SLC14A2: variants seen among roughly 807,000 people sequenced by gnomAD.
SLC14A2 encodes solute carrier family 14 member 2, also known as urea transporter 2.
SLC14A2 carries 91 observed loss-of-function variants against 104.6 expected under a neutral mutation model. That is an observed-to-expected ratio of 0.87 (90% CI 0.73 to 1.04). The LOEUF (loss-of-function observed/expected upper bound fraction) is 1.04, where lower values mean the gene tolerates loss of function less well. SLC14A2 is among the 50% of genes least tolerant of loss of function. The pLI is 0.00. For missense variants in SLC14A2, 1,189 were observed against 1,156.0 expected (o/e 1.03, Z -0.41); for synonymous variants, 476 against 466.4 (o/e 1.02, Z -0.27).
intron 10 of SLC14A2, among the ~76,000 whole-genome samples, chr18:45,645,434 G>C (rs1453596465): frequency 1.3e-5 from 2 of 151,962 alleles, no homozygotes; most frequent in Non-Finnish European, 2.9e-5. Flanking sequence ...TGAGTTCCAT[G>C]TGTAAAAAGC....
At chr18:45,359,320 C>A (rs79384635) in intron 1 of SLC14A2, among the ~76,000 whole-genome samples, 5 of 152,136 alleles carry the variant, frequency 3.3e-5, no homozygotes, top group Non-Finnish European at 7.3e-5. Flanking sequence ...AGCAGGCCCC[C>A]CCGTCTAGCG....
intron 1 of SLC14A2, among the ~76,000 whole-genome samples, chr18:45,409,814 G>A (rs1040656439): frequency 2.0e-5 from 3 of 152,202 alleles, no homozygotes; most frequent in Admixed American, 6.5e-5. Flanking sequence ...TTGTGTGGAA[G>A]ATAATTTTTC....
At chr18:45,385,958 C>T (rs1598742713) in intron 1 of SLC14A2, among the ~76,000 whole-genome samples, 1 of 152,242 alleles carries the variant, frequency 6.6e-6, no homozygotes, top group Non-Finnish European at 1.5e-5. Flanking sequence ...GGGTTAAGGA[C>T]TGTGGGTGTG....
chr18:45,233,766 C>T (rs1434244728), intron 1 of SLC14A2, among the ~76,000 whole-genome samples: 1 of 144,084 alleles, frequency 6.9e-6, no homozygotes, highest in Non-Finnish European at 1.5e-5. Context: ...CCGCTTCCCC[C>T]GCCCCGACTC....
chr18:45,252,168 C>T (rs1188896940), intron 1 of SLC14A2, among the ~76,000 whole-genome samples: 1 of 152,178 alleles, frequency 6.6e-6, no homozygotes, highest in Non-Finnish European at 1.5e-5. Context: ...AGACCCTGCC[C>T]TCTGAACATC....
rs2046175971 is a variant in SLC14A2 at position 45,673,513 on chromosome 18, ATTTG to A, written c.2378-166_2378-163del. Among the ~76,000 whole-genome samples the A allele has an allele frequency of 2.6e-5, 4 of 152,256 alleles. No individual in the cohort carries two copies. The South Asian group carries it at 8.3e-4, about 32-fold the overall frequency. On this transcript the variant is annotated intron_variant, in intron 17 of 19. Transcript: ENST00000255226. The stretch of plus-strand genomic sequence containing the variant: ...CTAGTATTCATGGGACTCTATGGCC[ATTTG>A]TTTCCTTTAGATGTTTTTTCACAGA...
At chr18:45,230,414 T>C (rs1240734392) in intron 1 of SLC14A2, among the ~76,000 whole-genome samples, 3 of 152,226 alleles carry the variant, frequency 2.0e-5, no homozygotes, top group Non-Finnish European at 2.9e-5. Flanking sequence ...TCTCGGCCTG[T>C]GGGCCCTATC....
chr18:45,584,886 G>A (rs1329231374), intron 2 of SLC14A2, among the ~76,000 whole-genome samples: 3 of 152,252 alleles, frequency 2.0e-5, no homozygotes, highest in African/African-American at 2.4e-5. Context: ...ATCTTGAGAT[G>A]AAACGCAGCA....
intron 1 of SLC14A2, among the ~76,000 whole-genome samples, chr18:45,227,358 T>G (rs2084129953): frequency 6.6e-6 from 1 of 152,212 alleles, no homozygotes; most frequent in South Asian, 2.1e-4. Context: ...CTCAGTCCAT[T>G]TGTGCTGTTA....
chr18:45,647,781 C>CTG (rs1555718014), intron 10 of SLC14A2: 3 of 151,674 alleles, frequency 2.0e-5, no homozygotes, highest in Admixed American at 6.6e-5. Context: ...ATTTAGGAAT[C>CTG]TTGATTTTTT....
At chr18:45,347,346 C>A (rs565174569) in intron 1 of SLC14A2, among the ~76,000 whole-genome samples, 1 of 152,300 alleles carries the variant, frequency 6.6e-6, no homozygotes, top group Admixed American at 6.5e-5. Flanking sequence ...CAGAGTGAGA[C>A]CCTGTCTCAA....
At chr18:45,364,386 T>C (rs1051269923) in intron 1 of SLC14A2, among the ~76,000 whole-genome samples, 1 of 152,236 alleles carries the variant, frequency 6.6e-6, no homozygotes, top group African/African-American at 2.4e-5. Context: ...GTGAAGACTC[T>C]TTCTGATGGT....
At chr18:45,616,115 T>C (rs984057795) in intron 1 of SLC14A2, among the ~76,000 whole-genome samples, 14 of 152,192 alleles carry the variant, frequency 9.2e-5, no homozygotes, top group Non-Finnish European at 1.9e-4. Context: ...TGGGCACAAG[T>C]GGAGCACCCC....
intron 1 of SLC14A2, among the ~76,000 whole-genome samples, chr18:45,368,935 A>G (rs1309374026): frequency 6.6e-6 from 1 of 152,200 alleles, no homozygotes; most frequent in Non-Finnish European, 1.5e-5. Flanking sequence ...CTTAAAAAGC[A>G]TGAATTCTCA....
intron 1 of SLC14A2, among the ~76,000 whole-genome samples, chr18:45,318,235 G>A (rs1458798628): frequency 1.3e-5 from 2 of 152,124 alleles, no homozygotes; most frequent in Non-Finnish European, 2.9e-5. Context: ...GAGGCTTGGG[G>A]TCCAGCCTAG....
At chr18:45,397,721 C>T (rs911536507) in intron 1 of SLC14A2, among the ~76,000 whole-genome samples, 6 of 151,796 alleles carry the variant, frequency 4.0e-5, no homozygotes, top group Non-Finnish European at 5.9e-5. Context: ...TTTGAGTTAA[C>T]CTGCTTTATT....
intron 2 of SLC14A2, among the ~76,000 whole-genome samples, chr18:45,524,022 CA>C (rs1181079347): frequency 2.6e-5 from 4 of 152,180 alleles, no homozygotes; most frequent in Non-Finnish European, 4.4e-5. Flanking sequence ...GGACTGGACA[CA>C]AAACTGGAGC....
intron 1 of SLC14A2, among the ~76,000 whole-genome samples, chr18:45,401,381 T>C (rs2086094425): frequency 6.6e-6 from 1 of 152,204 alleles, no homozygotes; most frequent in Admixed American, 6.5e-5. Context: ...AAAATCCTTG[T>C]CATCATTAAT....
intron 1 of SLC14A2, among the ~76,000 whole-genome samples, chr18:45,296,573 A>C (rs563320601): frequency 6.6e-6 from 1 of 152,126 alleles, no homozygotes; most frequent in Non-Finnish European, 1.5e-5. Context: ...CTCAAACTAC[A>C]TGCTGGATTA....
Sources: gnomAD v4.1 joint callset for allele counts (sites outside exome capture counted in the v4.1 genomes callset) on GRCh38, gnomAD v4.1.1 for gene constraint, MANE v1.5 for transcripts, NCBI Gene and HGNC (gene_info 2026-07-23, HGNC 2026-07-21) for gene names.